The following USO1 variants were observed in gnomAD, a reference collection of about 807,000 sequenced individuals.
USO1 encodes the protein general vesicular transport factor p115.
USO1 carries 57 observed loss-of-function variants against 124.5 expected under a neutral mutation model. The observed-to-expected ratio is 0.46, with a 90% confidence interval of 0.37 to 0.57. USO1 has a LOEUF of 0.57. USO1 is among the 20% of genes least tolerant of loss of function. The pLI is 0.00. For missense variants in USO1, 900 were observed against 1,040.6 expected, an observed-to-expected ratio of 0.86 and a Z score of 1.86; for synonymous variants, 369 against 362.8, an observed-to-expected ratio of 1.02 and a Z score of -0.19.
chr4:75,790,519 A>G (rs1460084764), intron 11 of USO1, 124 bp from the exon 12 acceptor site: 2 of 1,395,706 alleles, frequency 1.4e-6, no homozygotes, highest in Non-Finnish European at 1.9e-6. Flanking sequence ...TGAAATAGAG[A>G]TGGAAATACT....
At chr4:75,757,714 A>T in intron 4 of USO1, 141 bp downstream of exon 4, 1 of 751,358 alleles carries the variant, frequency 1.3e-6, no homozygotes, top group Non-Finnish European at 1.8e-6. Flanking sequence ...TAATAAACAC[A>T]TAGGCTTAGA....
chr4:75,728,414 G>A (rs1720526535), intron 1 of USO1, among the ~76,000 whole-genome samples: 5 of 152,210 alleles, frequency 3.3e-5, no homozygotes, highest in Admixed American at 3.3e-4. Flanking sequence ...CTTGAGGTCA[G>A]GAGTTTGAGA....
intron 8 of USO1, among the ~76,000 whole-genome samples, chr4:75,779,840 C>T (rs1483998062): frequency 6.6e-6 from 1 of 152,152 alleles, no homozygotes; most frequent in Admixed American, 6.6e-5. Flanking sequence ...TCAGCATAGA[C>T]AAAACAGCCT....
chr4:75,811,791 A>G (rs182817756), intron 22 of USO1, among the ~76,000 whole-genome samples: 1 of 152,206 alleles, frequency 6.6e-6, no homozygotes. Flanking sequence ...TTTTAACTTG[A>G]GCTTTGAGTT....
chr4:75,804,097 T>C (rs1487446815), intron 17 of USO1, 37 bp from the exon 18 acceptor site: 1 of 1,601,118 alleles, frequency 6.2e-7, no homozygotes, highest in Admixed American at 1.7e-5. Context: ...CTAACGAGTA[T>C]GACTTTAAAA....
chr4:75,812,462 G>C (rs1723177357), intron 23 of USO1, 87 bp downstream of exon 23: 10 of 1,479,646 alleles, frequency 6.8e-6, no homozygotes, highest in Admixed American at 2.6e-5. Context: ...TGGAAAAGTT[G>C]TGCCTGTATT....
intron 1 of USO1, among the ~76,000 whole-genome samples, chr4:75,730,501 T>G (rs1720599330): frequency 6.6e-6 from 1 of 152,090 alleles, no homozygotes; most frequent in South Asian, 2.1e-4. Context: ...TTGAGAAGCA[T>G]ACTTAGGGAA....
In USO1 at chr4:75,809,463, A is replaced by C. The variant is rs536835487; in HGVS notation, c.2475+412A>C. ...TGCTTAGCAATTTCTTCTTCAATTTATCTCTCTTCTCTCACATTTAACTTT... is the reference window on the plus strand; with the variant it reads ...TGCTTAGCAATTTCTTCTTCAATTTCTCTCTCTTCTCTCACATTTAACTTT... On this transcript the variant is annotated intron_variant, in intron 21 of 23. Coordinates refer to ENST00000514213, the MANE Select transcript of USO1 (RefSeq NM_003715.4). Among the ~76,000 whole-genome samples the C allele has an allele frequency of 2.0e-5, 3 of 152,192 alleles. No individual in the cohort carries two copies. In the East Asian group the frequency reaches 5.8e-4, roughly 29 times the overall value.
At chr4:75,744,459 G>A (rs754345779) in intron 1 of USO1, among the ~76,000 whole-genome samples, 3 of 151,932 alleles carry the variant, frequency 2.0e-5, no homozygotes, top group African/African-American at 4.8e-5. Flanking sequence ...TCACTCTGTC[G>A]CCCAGGCCAG....
At chr4:75,770,780 G>A (rs1721905320) in intron 5 of USO1, 42 bp from the exon 6 acceptor site, 1 of 1,575,862 alleles carries the variant, frequency 6.3e-7, no homozygotes. Flanking sequence ...TCTCGAAAAT[G>A]TGAATTACAG....
chr4:75,797,861 C>G (rs537529814), intron 13 of USO1, among the ~76,000 whole-genome samples: 16 of 152,016 alleles, frequency 1.1e-4, no homozygotes, highest in African/African-American at 3.6e-4. Flanking sequence ...AGGCTGGTCT[C>G]GAACTCTGGA....
intron 19 of USO1, among the ~76,000 whole-genome samples, chr4:75,805,945 G>T (rs1267132989): frequency 6.6e-6 from 1 of 152,006 alleles, no homozygotes; most frequent in African/African-American, 2.4e-5. Context: ...CCATATGAAC[G>T]CAGGTAAATG....
chr4:75,804,063 T>C, intron 17 of USO1, 71 bp from the exon 18 acceptor site: 1 of 1,521,678 alleles, frequency 6.6e-7, no homozygotes, highest in Non-Finnish European at 8.8e-7. Flanking sequence ...CTCTAATTTT[T>C]AAAATGTGTT....
At chr4:75,775,517 T>A (rs1722048895) in intron 8 of USO1, among the ~76,000 whole-genome samples, 1 of 151,988 alleles carries the variant, frequency 6.6e-6, no homozygotes, top group South Asian at 2.1e-4. Context: ...CCAGCCTGGG[T>A]AACAGAATGA....
chr4:75,725,154 C>T (rs987557146), intron 1 of USO1, among the ~76,000 whole-genome samples: 4 of 152,238 alleles, frequency 2.6e-5, no homozygotes, highest in African/African-American at 4.8e-5. Context: ...GGAGAGTGGT[C>T]CGCAGGTGGT....
At chr4:75,781,236 A>C (rs1302183920) in intron 8 of USO1, among the ~76,000 whole-genome samples, 1 of 152,204 alleles carries the variant, frequency 6.6e-6, no homozygotes, top group African/African-American at 2.4e-5. Flanking sequence ...CAGGAGAATT[A>C]GAAGTGGAGC....
chr4:75,751,723 CA>C (rs1721301346), intron 1 of USO1, among the ~76,000 whole-genome samples: 1 of 151,226 alleles, frequency 6.6e-6, no homozygotes, highest in Non-Finnish European at 1.5e-5. Context: ...CCCATCTTTT[CA>C]GGGGGGCCGA....
At chr4:75,758,616 C>T (rs1721508730) in intron 4 of USO1, among the ~76,000 whole-genome samples, 1 of 152,072 alleles carries the variant, frequency 6.6e-6, no homozygotes, top group Non-Finnish European at 1.5e-5. Context: ...GGTGTTATGG[C>T]TCATGTCTGC....
chr4:75,810,609 T>G, intron 22 of USO1, 70 bp downstream of exon 22: 2 of 1,428,136 alleles, frequency 1.4e-6, no homozygotes, highest in Non-Finnish European at 9.3e-7. Flanking sequence ...TTTATATATC[T>G]TTCAAATTCT....
Sources: gnomAD v4.1 joint callset for allele counts (sites outside exome capture counted in the v4.1 genomes callset) on GRCh38, gnomAD v4.1.1 for gene constraint, MANE v1.5 for transcripts, NCBI Gene and HGNC (gene_info 2026-07-23, HGNC 2026-07-21) for gene names.